SLC5A4: variants seen among roughly 807,000 people sequenced by gnomAD.
The protein encoded by SLC5A4 is probable glucose sensor protein SLC5A4.
Under a neutral mutation model 70.3 loss-of-function variants are expected in SLC5A4, and 55 were observed. That is an observed-to-expected ratio of 0.78 (90% CI 0.63 to 0.98). The LOEUF (loss-of-function observed/expected upper bound fraction) is 0.98, where lower values mean the gene tolerates loss of function less well. Among genes scored for constraint, SLC5A4 ranks in the 50% least tolerant of loss-of-function variants. SLC5A4 has a pLI of 0.00. For missense variants in SLC5A4, 735 were observed against 839.2 expected (o/e 0.88, Z 1.53); for synonymous variants, 268 against 305.7 (o/e 0.88, Z 1.29).
chr22:32,239,554 A>ATATATATATATATT (rs1569374845), intron 5 of SLC5A4, among the ~76,000 whole-genome samples: 65 of 16,624 alleles, frequency 3.9e-3, no homozygotes, highest in East Asian at 0.016. Context: ...ATATATATAT[A>ATATATATATATATT]TATATATATA....
chr22:32,342,981 A>G, the SLC5A4 span: 11 of 152,258 alleles, frequency 7.2e-5, no homozygotes, highest in Non-Finnish European at 1.0e-4. Context: ...TCAAACACAG[A>G]ACTGAAAAAA....
chr22:32,324,797 C>T, the SLC5A4 span, among the ~76,000 whole-genome samples: 54 of 152,340 alleles, frequency 3.5e-4, no homozygotes, highest in East Asian at 2.9e-3. Flanking sequence ...CCATCCTCAC[C>T]GCTGCCCAGC....
At chr22:32,326,102 C>A in the SLC5A4 span, among the ~76,000 whole-genome samples, 1 of 152,134 alleles carries the variant, frequency 6.6e-6, no homozygotes, top group African/African-American at 2.4e-5. Context: ...GAATGCAGAC[C>A]CTCTGTGACA....
chr22:32,312,484 C>G, the SLC5A4 span, among the ~76,000 whole-genome samples: 243 of 152,302 alleles, frequency 1.6e-3, 2 homozygotes, highest in African/African-American at 5.5e-3. Context: ...GTATAACTCA[C>G]AGGCCTCAAT....
the SLC5A4 span, among the ~76,000 whole-genome samples, chr22:32,313,368 T>G: frequency 6.6e-6 from 1 of 152,200 alleles, no homozygotes. Flanking sequence ...GGATGATAAA[T>G]TATACTGTCA....
At chr22:32,218,877 C>T in intron 14 of SLC5A4, 152 bp from the exon 15 acceptor site, 1 of 603,284 alleles carries the variant, frequency 1.7e-6, no homozygotes, top group South Asian at 2.3e-5. Context: ...TAAATTTAAT[C>T]ATATAAAAAC....
chr22:32,227,457 A>T (rs1285766269), intron 11 of SLC5A4, among the ~76,000 whole-genome samples: 1 of 152,186 alleles, frequency 6.6e-6, no homozygotes, highest in Admixed American at 6.5e-5. Context: ...TACTAAAGCT[A>T]TTGTTACTGT....
At chr22:32,240,019 T>A (rs1926420750) in intron 5 of SLC5A4, among the ~76,000 whole-genome samples, 3 of 68,356 alleles carry the variant, frequency 4.4e-5, no homozygotes, top group South Asian at 5.1e-4. Context: ...CGAGACTCCA[T>A]CTCAAAAAAA....
chr22:32,278,800 A>G, the SLC5A4 span, among the ~76,000 whole-genome samples: 1 of 152,224 alleles, frequency 6.6e-6, no homozygotes, highest in Non-Finnish European at 1.5e-5. Flanking sequence ...TTCAGAAAAG[A>G]GAAAGACAGT....
the SLC5A4 span, among the ~76,000 whole-genome samples, chr22:32,277,410 G>A: frequency 1.3e-5 from 2 of 152,048 alleles, no homozygotes; most frequent in African/African-American, 2.4e-5. Flanking sequence ...GTGCATAATC[G>A]AATTCATAGA....
chr22:32,336,511 G>A, the SLC5A4 span, among the ~76,000 whole-genome samples: 1 of 152,226 alleles, frequency 6.6e-6, no homozygotes, highest in Admixed American at 6.5e-5. Context: ...CTCCCAGGAG[G>A]GGGCTTGTAA....
At chr22:32,329,468 C>T in the SLC5A4 span, among the ~76,000 whole-genome samples, 1 of 149,970 alleles carries the variant, frequency 6.7e-6, no homozygotes, top group Non-Finnish European at 1.5e-5. Flanking sequence ...TCTTGCTGGG[C>T]CATCTAGATG....
the SLC5A4 span, among the ~76,000 whole-genome samples, chr22:32,311,596 C>T: frequency 6.6e-6 from 1 of 152,224 alleles, no homozygotes; most frequent in Admixed American, 6.5e-5. Context: ...CTAGAACCCT[C>T]CTCTCTGGGT....
the SLC5A4 span, among the ~76,000 whole-genome samples, chr22:32,353,580 G>A: frequency 1.3e-5 from 2 of 152,018 alleles, no homozygotes; most frequent in Admixed American, 6.5e-5. Context: ...CACCAGGGGG[G>A]CAGCGCAGCC....
intron 5 of SLC5A4, 61 bp downstream of exon 5, chr22:32,247,350 G>T: frequency 3.2e-6 from 3 of 928,616 alleles, no homozygotes; most frequent in Non-Finnish European, 5.4e-6. Flanking sequence ...TCTGATATTA[G>T]CACTCTGGCC....
chr22:32,225,680 A>G lies in SLC5A4; in HGVS notation c.1424T>C (p.Ile475Thr), dbSNP rs1925352432. The G allele has an allele frequency of 6.2e-7, 1 of 1,612,394 alleles. No homozygotes were observed. Among genetic ancestry groups the G allele is most frequent in the Non-Finnish European group, 8.5e-7 (1 of 1,179,404 alleles). ...PPIAAVFVLA[I>T]FCKRVNEQGA... is the part of the protein sequence containing the mutation. Reference sequence around the variant, plus strand: ...CTGTTCATTGACTCTTTTACAGAAGATGGCAAGCACAAAGACAGCTGCAAT... The same window carrying G: ...CTGTTCATTGACTCTTTTACAGAAGGTGGCAAGCACAAAGACAGCTGCAAT... The change falls in exon 12 of 15, where the codon ATC (isoleucine) becomes ACC (threonine). Residue 475 changes from isoleucine to threonine, a missense_variant. Physicochemically the swap from Ile to Thr is moderately conservative, Grantham distance 89. Transcript: ENST00000266086.
At chr22:32,317,413 G>A in the SLC5A4 span, among the ~76,000 whole-genome samples, 17 of 152,112 alleles carry the variant, frequency 1.1e-4, no homozygotes, top group African/African-American at 4.1e-4. Flanking sequence ...GGAGTTAACA[G>A]CAGAAGAAAG....
upstream of SLC5A4, among the ~76,000 whole-genome samples, chr22:32,256,402 T>C (rs1927491327): frequency 6.6e-6 from 1 of 152,212 alleles, no homozygotes. Flanking sequence ...TACTTCATTT[T>C]TTATTGTGGC....
chr22:32,269,930 T>C, the SLC5A4 span: 1 of 538,794 alleles, frequency 1.9e-6, no homozygotes, highest in South Asian at 1.5e-5. This position sits in a 1 kb window ranked among gnomAD's most constrained non-coding sequence, Gnocchi z 4.1. Context: ...ACCACCAGCA[T>C]GGTCACCATG....
Sources: allele counts gnomAD v4.1 joint callset (sites outside exome capture counted in the v4.1 genomes callset), GRCh38; gene constraint gnomAD v4.1.1; non-coding constraint Gnocchi (gnomAD v3.1); transcripts MANE v1.5; gene names NCBI Gene and HGNC (gene_info 2026-07-23, HGNC 2026-07-21).